The following ERMP1 variants were observed in gnomAD, a reference collection of about 807,000 sequenced individuals.
ERMP1 encodes the protein endoplasmic reticulum metallopeptidase 1.
In ERMP1, 86 loss-of-function variants were observed where a neutral mutation model predicts 92.0. That is an observed-to-expected ratio of 0.93 (90% CI 0.79 to 1.12). ERMP1 has a LOEUF of 1.12. Among genes scored for constraint, ERMP1 ranks in the 50% most tolerant of loss-of-function variants. The probability of loss-of-function intolerance (pLI) is 0.00; values close to 1 mark genes in which losing one functional copy is unlikely to be tolerated. For missense variants in ERMP1, 1,342 were observed against 1,116.3 expected (o/e 1.20, Z -2.88); for synonymous variants, 530 against 412.8 (o/e 1.28, Z -3.44).
At chr9:5,790,474 C>G (rs1466354623) in intron 13 of ERMP1, among the ~76,000 whole-genome samples, 2 of 152,080 alleles carry the variant, frequency 1.3e-5, no homozygotes, top group African/African-American at 2.4e-5. Flanking sequence ...ACCTAACTTA[C>G]CCACTAAAAG....
chr9:5,842,777 A>G (rs1479082961), intron 6 of ERMP1, among the ~76,000 whole-genome samples: 1 of 152,268 alleles, frequency 6.6e-6, no homozygotes, highest in Non-Finnish European at 1.5e-5. Flanking sequence ...ACTTCCAAGC[A>G]ATTCAAAGTA....
At chr9:5,849,101 C>A (rs1031658074) in intron 6 of ERMP1, among the ~76,000 whole-genome samples, 2 of 152,242 alleles carry the variant, frequency 1.3e-5, no homozygotes, top group African/African-American at 4.8e-5. Flanking sequence ...TGGCTCACTG[C>A]AACCTCTGCC....
At chr9:5,851,562 G>A (rs959112681) in intron 6 of ERMP1, among the ~76,000 whole-genome samples, 7 of 152,184 alleles carry the variant, frequency 4.6e-5, no homozygotes, top group African/African-American at 1.7e-4. Context: ...ACAGGGTGGT[G>A]CTCTCCAAGG....
intron 13 of ERMP1, among the ~76,000 whole-genome samples, chr9:5,794,621 T>A (rs1828339773): frequency 6.6e-6 from 1 of 152,114 alleles, no homozygotes; most frequent in South Asian, 2.1e-4. Context: ...ATAGACAAAT[T>A]ATATTTCCAT....
chr9:5,808,625 G>A (rs1232239417), intron 8 of ERMP1, among the ~76,000 whole-genome samples: 2 of 151,818 alleles, frequency 1.3e-5, no homozygotes, highest in Non-Finnish European at 2.9e-5. Context: ...AAAACAGTAG[G>A]CTTACATGGA....
rs767324999 is a variant in ERMP1 at position 5,787,296 on chromosome 9, GTTC to G, written c.2560_2562del (p.Glu854del). ...GCCACGGTGACCATTCCTTCAGGAT[GTTC>G]TTCTGAAACCTGCCAGAGAAAATCA... On this transcript the variant is annotated inframe_deletion, in exon 15 of 15. Coordinates refer to ENST00000339450, the MANE Select transcript of ERMP1 (RefSeq NM_024896.3). The G allele has an allele frequency of 2.9e-4, 465 of 1,612,492 alleles. 1 individual carries two copies. Among genetic ancestry groups the G allele is most frequent in the Non-Finnish European group, 3.8e-4 (446 of 1,179,486 alleles).
Position 5,844,092 on chromosome 9 carries a change from T to C in ERMP1, n.3200-10780A>G, listed in dbSNP as rs538317057. On this transcript the variant is annotated intron_variant and non_coding_transcript_variant, in intron 6 of 6. Coordinates refer to the ERMP1 transcript ENST00000690753. The stretch of plus-strand genomic sequence containing the variant: ...ACCTACAATCAAACATACATTTCCT[T>C]ACCAGGGGTAAGGAAAAAAATCTTT... Among the ~76,000 whole-genome samples, 4 of 152,202 alleles carry C rather than the reference T, an allele frequency of 2.6e-5. No homozygotes were observed. In the South Asian group the frequency reaches 6.2e-4, roughly 24 times the overall value.
intron 13 of ERMP1, among the ~76,000 whole-genome samples, chr9:5,789,884 G>A (rs1324729186): frequency 3.0e-5 from 4 of 135,006 alleles, no homozygotes; most frequent in Non-Finnish European, 6.1e-5. Flanking sequence ...GGGTCTCCCC[G>A]TGTTGCCCAG....
intron 5 of ERMP1, chr9:5,812,633 CT>C (rs1248851082): frequency 1.4e-5 from 7 of 510,722 alleles, no homozygotes; most frequent in African/African-American, 1.3e-4. Context: ...CTATTACCAT[CT>C]TTTGGGAATG....
chr9:5,805,102 A>G lies in ERMP1; in HGVS notation c.1839T>C (p.Ser613=). ...CAACATCAGGTGGGATTTCAGAACC[A>G]CTTCTCCCGAGGATAGGGGTAAACA... ...FEMFTPILGR[S]GSEIPPDVVL... Residue 613 remains serine (S), a synonymous_variant, in exon 10 of 15, where the codon AGT becomes AGC. Transcript: ENST00000339450. 6.2e-7 allele frequency: 1 copy of G among 1,613,798 alleles called. No homozygotes were observed. Among genetic ancestry groups the G allele is most frequent in the South Asian group, 1.1e-5 (1 of 91,026 alleles).
intron 8 of ERMP1, 96 bp from the exon 9 acceptor site, chr9:5,805,881 A>C: frequency 2.0e-6 from 2 of 984,726 alleles, no homozygotes; most frequent in Non-Finnish European, 2.9e-6. Flanking sequence ...CAGGAAAGCT[A>C]CATTTTGTTT....
At chr9:5,846,307 C>T (rs1830233017) in intron 6 of ERMP1, among the ~76,000 whole-genome samples, 1 of 152,178 alleles carries the variant, frequency 6.6e-6, no homozygotes. Context: ...CCTCCCCCGC[C>T]ACCCACCCAG....
intron 5 of ERMP1, among the ~76,000 whole-genome samples, chr9:5,862,106 T>C (rs1830517571): frequency 1.3e-5 from 2 of 152,174 alleles, no homozygotes; most frequent in African/African-American, 4.8e-5. Flanking sequence ...CATGGCTCAC[T>C]GCGGCCTCTA....
At chr9:5,861,802 T>G (rs1830505570) in intron 5 of ERMP1, among the ~76,000 whole-genome samples, 1 of 120,502 alleles carries the variant, frequency 8.3e-6, no homozygotes, top group Non-Finnish European at 1.6e-5. Context: ...AACAGCAACA[T>G]CAGGGGAGGG....
intron 7 of ERMP1, among the ~76,000 whole-genome samples, chr9:5,810,475 A>G (rs1198654172): frequency 1.3e-5 from 2 of 152,238 alleles, no homozygotes; most frequent in Non-Finnish European, 2.9e-5. Context: ...TAAATCTTCT[A>G]GGAATAGTTC....
chr9:5,848,316 G>A (rs907085573), intron 6 of ERMP1, among the ~76,000 whole-genome samples: 1 of 152,068 alleles, frequency 6.6e-6, no homozygotes, highest in Non-Finnish European at 1.5e-5. Flanking sequence ...GGAGGAGGTC[G>A]GAGTGGCCAC....
intron 5 of ERMP1, among the ~76,000 whole-genome samples, chr9:5,862,925 A>C (rs1161788696): frequency 6.6e-6 from 1 of 152,248 alleles, no homozygotes; most frequent in Non-Finnish European, 1.5e-5. Flanking sequence ...CCCTTAAATG[A>C]GGCAGTGTTA....
At chr9:5,857,182 T>C (rs1301453288) in intron 6 of ERMP1, among the ~76,000 whole-genome samples, 2 of 152,120 alleles carry the variant, frequency 1.3e-5, no homozygotes, top group Non-Finnish European at 2.9e-5. Flanking sequence ...CAATCATGCC[T>C]GGCTAATTTT....
At chr9:5,805,336 C>G in intron 9 of ERMP1, 119 bp from the exon 10 acceptor site, 1 of 773,664 alleles carries the variant, frequency 1.3e-6, no homozygotes. Flanking sequence ...GACTCTTGCC[C>G]TTAAGGGTGT....
Sources: allele counts gnomAD v4.1 joint callset (sites outside exome capture counted in the v4.1 genomes callset), GRCh38; gene constraint gnomAD v4.1.1; transcripts MANE v1.5; gene names NCBI Gene and HGNC (gene_info 2026-07-23, HGNC 2026-07-21).